Variants in COL4A5 observed in about 807,000 individuals in gnomAD.
The protein encoded by COL4A5 is collagen alpha-5(IV) chain.
COL4A5 carries 26 observed loss-of-function variants against 130.2 expected under a neutral mutation model. That is an observed-to-expected ratio of 0.20 (90% confidence interval 0.15 to 0.28). The LOEUF (loss-of-function observed/expected upper bound fraction) is 0.28, where lower values mean the gene tolerates loss of function less well. COL4A5 is among the 10% of genes least tolerant of loss of function. COL4A5 has a pLI of 1.00. For synonymous variants in COL4A5, 496 were observed against 439.6 expected (o/e 1.13, Z -1.60); for missense variants, 1,131 against 1,344.3 (o/e 0.84, Z 2.48).
chrX:108,633,320 A>G (rs2067300892), intron 36 of COL4A5, among the ~76,000 whole-genome samples: 1 of 111,256 alleles, frequency 9.0e-6, no homozygotes, highest in South Asian at 3.7e-4. Context: ...ATAGATTTAT[A>G]TATTTCTTAC....
intron 2 of COL4A5, among the ~76,000 whole-genome samples, chrX:108,548,313 A>C (rs1569484871): frequency 8.9e-6 from 1 of 112,553 alleles, no homozygotes; most frequent in East Asian, 2.8e-4. Context: ...GAATATAAGA[A>C]AAAACAATTG....
chrX:108,478,958 C>G (rs1009177702), intron 1 of COL4A5, among the ~76,000 whole-genome samples: 2 of 111,971 alleles, frequency 1.8e-5, no homozygotes, highest in Non-Finnish European at 3.8e-5. Flanking sequence ...TTGGTCTCTG[C>G]TGCTGGCAAA....
chrX:108,443,961 C>T (rs1335898618), intron 1 of COL4A5, among the ~76,000 whole-genome samples: 2 of 112,016 alleles, frequency 1.8e-5, no homozygotes, highest in Non-Finnish European at 3.8e-5. Flanking sequence ...TTGAATTATA[C>T]TGTAATAAAA....
intron 1 of COL4A5, among the ~76,000 whole-genome samples, chrX:108,512,026 C>T (rs749038093): frequency 4.5e-5 from 5 of 111,598 alleles, no homozygotes; most frequent in Middle Eastern, 4.6e-3. Flanking sequence ...TTGACCTGTA[C>T]GGAAGTCATA....
At chrX:108,516,197 A>C (rs756932640) in intron 1 of COL4A5, among the ~76,000 whole-genome samples, 1 of 112,371 alleles carries the variant, frequency 8.9e-6, no homozygotes, top group South Asian at 3.7e-4. Context: ...AGCAGGCAAC[A>C]GGGAGGCCTA....
At position 108,565,911 on chromosome X, in the gene COL4A5, G is replaced by T. The variant is rs532842551; in HGVS notation, c.276+1985G>T. Among the ~76,000 whole-genome samples, 25 of 110,248 alleles carry T rather than the reference G, an allele frequency of 2.3e-4. 1 individual carries two copies. In the South Asian group the frequency reaches 9.7e-3, roughly 43 times the overall value. On this transcript the variant is annotated intron_variant, in intron 4 of 52. Transcript: ENST00000328300. ...ATAACATTAAAGAAAATAGGAAAAA[G>T]TATACTTTATAGGTAGTGTTGTGAA...
intron 19 of COL4A5, among the ~76,000 whole-genome samples, chrX:108,589,411 T>C (rs1282465276): frequency 9.1e-6 from 1 of 110,337 alleles, no homozygotes; most frequent in Non-Finnish European, 1.9e-5. Flanking sequence ...AAATAAAATA[T>C]AAGGTGACAA....
intron 1 of COL4A5, among the ~76,000 whole-genome samples, chrX:108,481,951 C>G (rs895952453): frequency 4.5e-5 from 5 of 111,762 alleles, no homozygotes; most frequent in African/African-American, 1.6e-4. Context: ...ATCCCTTCCT[C>G]TACATAAAAC....
In COL4A5 at chrX:108,554,888, A is replaced by G. The variant is rs576272859; in HGVS notation, c.142-4176A>G. On this transcript the variant is annotated intron_variant, in intron 2 of 52. Transcript: ENST00000328300. ...AATAACCACCCCCCAAAACAAACAA[A>G]AAACCCCAAACTTTTAAAATAGTAT... 2.7e-5 allele frequency among the ~76,000 whole-genome samples: 3 copies of G among 111,584 alleles called. No homozygotes were observed. In the South Asian group the frequency reaches 1.1e-3, roughly 42 times the overall value.
At chrX:108,616,799 TATATG>T (rs1403615600) in intron 30 of COL4A5, among the ~76,000 whole-genome samples, 2 of 110,419 alleles carry the variant, frequency 1.8e-5, no homozygotes, top group African/African-American at 3.3e-5. Flanking sequence ...CTCCCTCTGT[TATATG>T]ATATATCTGA....
At chrX:108,559,424 G>T (rs1244307078) in intron 3 of COL4A5, among the ~76,000 whole-genome samples, 1 of 112,329 alleles carries the variant, frequency 8.9e-6, no homozygotes, top group Non-Finnish European at 1.9e-5. Context: ...GAGCTTAGCT[G>T]AGCTGGAGAG....
Position 108,584,492 on chromosome X carries a change from A to G in COL4A5, c.999A>G (p.Lys333=), listed in dbSNP as rs746632286. 1.7e-6 allele frequency: 2 copies of G among 1,204,933 alleles called. No individual in the cohort carries two copies. Among genetic ancestry groups the G allele is most frequent in the Admixed American group, 2.2e-5 (1 of 45,427 alleles). The part of the protein sequence containing the change: ...EPGRDGEKGQ[K]GDTGPPGPPG... ...ACAATTGCATTGAACAGGGCCAAAA[A>G]GGTGACACTGGCCCACCTGGACCTC... Residue 333 remains lysine, a synonymous_variant, in exon 18 of 53, where the codon AAA becomes AAG. Coordinates refer to ENST00000328300, the MANE Select transcript of COL4A5 (RefSeq NM_033380.3).
At chrX:108,661,007 G>T (rs1244961069) in intron 37 of COL4A5, among the ~76,000 whole-genome samples, 1 of 111,670 alleles carries the variant, frequency 9.0e-6, no homozygotes, top group Admixed American at 9.5e-5. Flanking sequence ...TTACCATTGT[G>T]CTATAATTGC....
At chrX:108,643,931 A>G (rs1301066023) in intron 36 of COL4A5, among the ~76,000 whole-genome samples, 3 of 112,240 alleles carry the variant, frequency 2.7e-5, no homozygotes, top group Non-Finnish European at 5.6e-5. Flanking sequence ...TGCTCCACTT[A>G]AAAGATATAG....
intron 49 of COL4A5, among the ~76,000 whole-genome samples, chrX:108,692,373 A>G (rs776681477): frequency 3.6e-5 from 4 of 111,379 alleles, no homozygotes; most frequent in Non-Finnish European, 7.5e-5. Context: ...TCTTAGAAGA[A>G]GAGAGGGCAG....
chrX:108,498,799 T>A (rs1246104411), intron 1 of COL4A5, among the ~76,000 whole-genome samples: 2 of 111,601 alleles, frequency 1.8e-5, no homozygotes, highest in Non-Finnish European at 3.8e-5. Flanking sequence ...AGTATAAAAT[T>A]TTTCATTTTA....
chrX:108,651,812 G>C (rs774290450), intron 36 of COL4A5, among the ~76,000 whole-genome samples: 34 of 111,681 alleles, frequency 3.0e-4, no homozygotes, highest in African/African-American at 8.1e-4. Context: ...GCTTTGGCCT[G>C]CTCAGGCAGC....
At chrX:108,498,999 C>T (rs1397950986) in intron 1 of COL4A5, among the ~76,000 whole-genome samples, 1 of 110,955 alleles carries the variant, frequency 9.0e-6, no homozygotes, top group African/African-American at 3.3e-5. Flanking sequence ...TTTTCCTTAT[C>T]TAATTGCGGT....
intron 9 of COL4A5, among the ~76,000 whole-genome samples, chrX:108,573,977 A>G (rs770090274): frequency 1.4e-3 from 155 of 111,389 alleles, no homozygotes; most frequent in African/African-American, 4.8e-3. Flanking sequence ...AATAAAAATT[A>G]TGGAAGTCCC....
Sources: gnomAD v4.1 joint callset for allele counts (sites outside exome capture counted in the v4.1 genomes callset) on GRCh38, gnomAD v4.1.1 for gene constraint, MANE v1.5 for transcripts, NCBI Gene and HGNC (gene_info 2026-07-23, HGNC 2026-07-21) for gene names.